The following PSMD1 variants were observed in gnomAD, a reference collection of about 807,000 sequenced individuals.
PSMD1 encodes the protein proteasome 26S subunit, non-ATPase 1.
In PSMD1, 18 loss-of-function variants were observed where a neutral mutation model predicts 119.0. That is an observed-to-expected ratio of 0.15 (90% CI 0.10 to 0.22). The LOEUF is 0.22. Ranked by LOEUF, PSMD1 falls within the 10% of genes least tolerant of loss-of-function variation. The pLI is 1.00. For synonymous variants in PSMD1, 374 were observed against 396.6 expected (o/e 0.94, Z 0.68); for missense variants, 702 against 1,158.5 (o/e 0.61, Z 5.72).
At chr2:231,090,045 G>A (rs1387266877) in intron 16 of PSMD1, among the ~76,000 whole-genome samples, 4 of 152,176 alleles carry the variant, frequency 2.6e-5, no homozygotes, top group Non-Finnish European at 5.9e-5. Context: ...CCACTGTTGA[G>A]AATTACTGGT....
intron 15 of PSMD1, among the ~76,000 whole-genome samples, chr2:231,085,904 A>G (rs757854610): frequency 3.9e-4 from 60 of 152,168 alleles, no homozygotes; most frequent in Non-Finnish European, 7.9e-4. Context: ...AACTATTGTT[A>G]ACTCCTTTTT....
intron 14 of PSMD1, among the ~76,000 whole-genome samples, chr2:231,084,450 T>A (rs950829156): frequency 6.6e-6 from 1 of 152,126 alleles, no homozygotes; most frequent in African/African-American, 2.4e-5. Flanking sequence ...AGTACCAATC[T>A]CTATACTTGT....
rs959072506 is a variant in PSMD1 at position 231,097,767 on chromosome 2, G to A, written c.1883+10586G>A. On this transcript the variant is annotated intron_variant, in intron 16 of 24. Transcript: ENST00000308696. ...AGACGTGAGAGTCGAAAGACCCATA[G>A]GGGGCTTCTCTTGCTTTACAGTGTC... Among the ~76,000 whole-genome samples, 5 of 152,222 alleles carry A rather than the reference G, an allele frequency of 3.3e-5. No individual in the cohort carries two copies. The East Asian group carries it at 5.8e-4, about 18-fold the overall frequency.
chr2:231,107,830 G>T (rs1008985607), intron 16 of PSMD1, among the ~76,000 whole-genome samples: 7 of 152,156 alleles, frequency 4.6e-5, no homozygotes, highest in Non-Finnish European at 8.8e-5. Context: ...ACCCAAGAGC[G>T]ATTTTATTTG....
chr2:231,134,935 A>G (rs995048371), intron 16 of PSMD1, among the ~76,000 whole-genome samples: 12 of 152,226 alleles, frequency 7.9e-5, no homozygotes, highest in Admixed American at 3.3e-4. Context: ...CTCTAAATGT[A>G]AATTTAGTTT....
intron 20 of PSMD1, among the ~76,000 whole-genome samples, chr2:231,162,608 G>T (rs1179001305): frequency 6.6e-6 from 1 of 152,138 alleles, no homozygotes; most frequent in Admixed American, 6.5e-5. Flanking sequence ...AGAAGATAAG[G>T]TTCTTTGTCC....
chr2:231,145,383 T>C (rs1209091572), intron 17 of PSMD1, among the ~76,000 whole-genome samples: 5 of 152,162 alleles, frequency 3.3e-5, no homozygotes, highest in Non-Finnish European at 5.9e-5. Flanking sequence ...ATGGAACTTG[T>C]AGGACTGGAA....
At chr2:231,073,634 T>A (rs1235439013) in intron 7 of PSMD1, among the ~76,000 whole-genome samples, 1 of 152,148 alleles carries the variant, frequency 6.6e-6, no homozygotes, top group Non-Finnish European at 1.5e-5. Flanking sequence ...TATGGTGATC[T>A]TTTTCATTTA....
At chr2:231,106,790 T>A (rs993872102) in intron 16 of PSMD1, among the ~76,000 whole-genome samples, 15 of 152,102 alleles carry the variant, frequency 9.9e-5, no homozygotes, top group Admixed American at 9.8e-4. Context: ...TTGTTATCTA[T>A]GGGTAGAGTT....
Position 231,070,115 on chromosome 2 carries a change from C to G in PSMD1, c.601C>G (p.Leu201Val), listed in dbSNP as rs1321618561. The G allele has an allele frequency of 1.9e-6, 3 of 1,574,902 alleles. No homozygotes were observed. Among genetic ancestry groups the G allele is most frequent in the Non-Finnish European group, 2.6e-6 (3 of 1,165,662 alleles). The change falls in exon 6 of 25, where the codon CTA (leucine) becomes GTA (valine). Residue 201 changes from leucine (L) to valine (V), a missense_variant. Physicochemically the swap from Leu to Val is conservative, Grantham distance 32 (BLOSUM62 1). This residue lies in a region of PSMD1 where 58 missense variants were observed against 54.0 expected (regional missense o/e 1.07). Coordinates refer to ENST00000308696, the MANE Select transcript of PSMD1 (RefSeq NM_002807.4). ...KQFRNKVLRVLVKIYMNLEKP... is the reference protein window; with the variant it reads ...KQFRNKVLRVVVKIYMNLEKP... Reference sequence around the variant, plus strand: ...GTTTCGGAATAAAGTACTAAGAGTTCTAGTTAAAATCTACATGAACTTGGA... The same window carrying G: ...GTTTCGGAATAAAGTACTAAGAGTTGTAGTTAAAATCTACATGAACTTGGA...
chr2:231,156,254 T>C (rs1696502405), intron 19 of PSMD1, among the ~76,000 whole-genome samples: 1 of 152,168 alleles, frequency 6.6e-6, no homozygotes, highest in Non-Finnish European at 1.5e-5. Flanking sequence ...AGTTTCCATA[T>C]GTCCCCTTTG....
At chr2:231,132,511 A>T (rs934019777) in intron 16 of PSMD1, among the ~76,000 whole-genome samples, 6 of 152,226 alleles carry the variant, frequency 3.9e-5, no homozygotes, top group Non-Finnish European at 5.9e-5. Flanking sequence ...ATCAAATGTT[A>T]GTAGCCAAAG....
chr2:231,127,789 TAAG>T (rs1001025024), intron 16 of PSMD1, among the ~76,000 whole-genome samples: 4 of 152,258 alleles, frequency 2.6e-5, no homozygotes, highest in African/African-American at 7.2e-5. Context: ...ATGCAAATAA[TAAG>T]AAATATAAAA....
intron 16 of PSMD1, chr2:231,114,019 T>A (rs1392213323): frequency 1.0e-6 from 1 of 992,538 alleles, no homozygotes; most frequent in Non-Finnish European, 1.6e-6. Flanking sequence ...CTTTTGTCTT[T>A]TTTGTTACTC....
At chr2:231,111,467 CTG>C (rs1377329234) in intron 16 of PSMD1, among the ~76,000 whole-genome samples, 2 of 152,148 alleles carry the variant, frequency 1.3e-5, no homozygotes, top group African/African-American at 2.4e-5. Flanking sequence ...TGGTCAATAA[CTG>C]TAAAAGTTTT....
chr2:231,115,770 A>G (rs1325440514), intron 16 of PSMD1, among the ~76,000 whole-genome samples: 1 of 152,172 alleles, frequency 6.6e-6, no homozygotes, highest in Non-Finnish European at 1.5e-5. Context: ...AGTGTTATTT[A>G]GAACTGCCAC....
intron 16 of PSMD1, among the ~76,000 whole-genome samples, chr2:231,112,783 C>T (rs1234969696): frequency 6.6e-6 from 1 of 152,048 alleles, no homozygotes; most frequent in African/African-American, 2.4e-5. Flanking sequence ...GGCCGTAAGA[C>T]GATTTAGAAG....
chr2:231,072,708 T>C (rs940199380), intron 7 of PSMD1, among the ~76,000 whole-genome samples: 8 of 152,134 alleles, frequency 5.3e-5, no homozygotes, highest in African/African-American at 1.7e-4. Context: ...CAGGTGGGGA[T>C]AGGTTGGGGC....
chr2:231,092,497 T>C (rs945622849), intron 16 of PSMD1, among the ~76,000 whole-genome samples: 17 of 152,176 alleles, frequency 1.1e-4, no homozygotes, highest in African/African-American at 3.4e-4. Context: ...TAAAGGGAGA[T>C]GCTAAGATGT....
Sources: gnomAD v4.1 joint callset for allele counts (sites outside exome capture counted in the v4.1 genomes callset) on GRCh38, gnomAD v4.1.1 for gene constraint, gnomAD v4.1.1 regional missense constraint, MANE v1.5 for transcripts, NCBI Gene and HGNC (gene_info 2026-07-23, HGNC 2026-07-21) for gene names.